Variants in PTPRT observed in about 807,000 individuals in gnomAD.
PTPRT encodes protein tyrosine phosphatase receptor type T.
In PTPRT, 56 loss-of-function variants were observed where a neutral mutation model predicts 176.8. That is an observed-to-expected ratio of 0.32 (90% CI 0.26 to 0.40). The LOEUF (loss-of-function observed/expected upper bound fraction) is 0.40. Ranked by LOEUF, PTPRT falls within the 10% of genes least tolerant of loss-of-function variation. The pLI, the probability that PTPRT is intolerant of heterozygous loss-of-function variation, is 1.00. For missense variants in PTPRT, 1,540 were observed against 1,908.2 expected (o/e 0.81, Z 3.60); for synonymous variants, 783 against 739.0 (o/e 1.06, Z -0.96).
chr20:42,831,854 T>C (rs2078094665), intron 2 of PTPRT, among the ~76,000 whole-genome samples: 2 of 152,162 alleles, frequency 1.3e-5, no homozygotes, highest in African/African-American at 2.4e-5. Flanking sequence ...TAAGAATGGC[T>C]ATTATTAAAA....
chr20:42,923,186 A>G (rs1222975949), intron 1 of PTPRT, among the ~76,000 whole-genome samples: 1 of 152,208 alleles, frequency 6.6e-6, no homozygotes, highest in Non-Finnish European at 1.5e-5. Flanking sequence ...CTAGCAATCC[A>G]GAACTTTAAA....
chr20:42,279,638 A>G (rs1240672127), intron 13 of PTPRT, among the ~76,000 whole-genome samples: 1 of 152,226 alleles, frequency 6.6e-6, no homozygotes, highest in Non-Finnish European at 1.5e-5. Flanking sequence ...GTACTAAATT[A>G]GATCCAGAGT....
At chr20:42,217,550 T>C (rs2055805241) in intron 15 of PTPRT, among the ~76,000 whole-genome samples, 1 of 152,192 alleles carries the variant, frequency 6.6e-6, no homozygotes, top group Non-Finnish European at 1.5e-5. Context: ...AAGGAAAATA[T>C]ACATGTATCA....
intron 7 of PTPRT, among the ~76,000 whole-genome samples, chr20:42,528,413 TA>T (rs2072317240): frequency 6.7e-6 from 1 of 148,276 alleles, no homozygotes; most frequent in African/African-American, 2.6e-5. Flanking sequence ...GATGAATGGA[TA>T]AATGAATATC....
chr20:42,378,529 A>G (rs2058670681), intron 9 of PTPRT, among the ~76,000 whole-genome samples: 1 of 152,164 alleles, frequency 6.6e-6, no homozygotes, highest in Non-Finnish European at 1.5e-5. Context: ...CAATGTGGGA[A>G]TCTAAGTTGC....
Position 42,414,785 on chromosome 20 carries a change from T to C in PTPRT, c.1560+33435A>G, listed in dbSNP as rs1307770264. Among the ~76,000 whole-genome samples the C allele has an allele frequency of 1.3e-5, 2 of 152,218 alleles. 1 individual carries two copies. Among genetic ancestry groups the C allele is most frequent in the African/African-American group, 4.8e-5 (2 of 41,460 alleles). ...TTTTATGAAGTCAGAATAAATTCAA[T>C]ATTGTAAAGGTATCAATTCTTCCTA... On this transcript the variant is annotated intron_variant, in intron 9 of 30. Transcript: ENST00000373187.
chr20:42,150,559 T>C (rs1438918631), intron 17 of PTPRT, among the ~76,000 whole-genome samples: 1 of 152,224 alleles, frequency 6.6e-6, no homozygotes, highest in African/African-American at 2.4e-5. Context: ...CCATTTTACC[T>C]GGGTCTTTCC....
intron 18 of PTPRT, among the ~76,000 whole-genome samples, chr20:42,131,400 T>C (rs187790093): frequency 6.6e-6 from 1 of 152,342 alleles, no homozygotes; most frequent in Non-Finnish European, 1.5e-5. Flanking sequence ...TCTCCTTTAT[T>C]TGTTGAGTTA....
At chr20:42,048,112 C>T in the PTPRT span, among the ~76,000 whole-genome samples, 1 of 152,182 alleles carries the variant, frequency 6.6e-6, no homozygotes, top group Non-Finnish European at 1.5e-5. Flanking sequence ...CTGCAAAGAG[C>T]AGCTCAGGGG....
intron 1 of PTPRT, among the ~76,000 whole-genome samples, chr20:43,058,258 AC>A (rs1485905142): frequency 6.6e-6 from 1 of 152,112 alleles, no homozygotes; most frequent in African/African-American, 2.4e-5. Flanking sequence ...GAGAAATGAG[AC>A]AGAGAGACAA....
intron 1 of PTPRT, among the ~76,000 whole-genome samples, chr20:43,167,042 A>G (rs1176107274): frequency 6.6e-6 from 1 of 152,164 alleles, no homozygotes; most frequent in Non-Finnish European, 1.5e-5. Flanking sequence ...AACTTAGTCT[A>G]GCAGCCTAGC....
At chr20:42,893,554 A>T (rs1392402295) in intron 1 of PTPRT, among the ~76,000 whole-genome samples, 2 of 151,926 alleles carry the variant, frequency 1.3e-5, no homozygotes, top group Non-Finnish European at 2.9e-5. Context: ...ATAAAGACAC[A>T]TGCACACGTA....
chr20:42,443,780 G>T (rs2059339396), intron 9 of PTPRT, among the ~76,000 whole-genome samples: 1 of 152,104 alleles, frequency 6.6e-6, no homozygotes, highest in Non-Finnish European at 1.5e-5. Context: ...CTAAAAAGAG[G>T]GTGTCAAAGC....
rs73906921 is a variant in PTPRT, at chr20:42,361,366, T to G, written c.1561-9081A>C. Among the ~76,000 whole-genome samples, 1,519 of 152,284 alleles carry G rather than the reference T, an allele frequency of 1.0e-2. 18 individuals are homozygous for G. Among genetic ancestry groups the G allele is most frequent in the African/African-American group, 0.035 (1,445 of 41,558 alleles). On this transcript the variant is annotated intron_variant, in intron 9 of 30. Transcript: ENST00000373187. Reference sequence around the variant, plus strand: ...GGTGCTTTTTAGAAAATAGCCCATATCCTTTGACACTGCTTTCATTAAAAG... The same window carrying G: ...GGTGCTTTTTAGAAAATAGCCCATAGCCTTTGACACTGCTTTCATTAAAAG...
Position 42,803,619 on chromosome 20 carries a change from T to A in PTPRT, c.215-12153A>T, listed in dbSNP as rs148125907. The stretch of plus-strand genomic sequence containing the variant: ...CCCAGGATGGAGTACAGTGGCATGA[T>A]CTCGGCTCACTGCAACCTTCGCCTC... On this transcript the variant is annotated intron_variant, in intron 2 of 30. Transcript: ENST00000373187. Among the ~76,000 whole-genome samples, 278 of 152,362 alleles carry A rather than the reference T, an allele frequency of 1.8e-3. 1 individual carries two copies. Among genetic ancestry groups the A allele is most frequent in the African/African-American group, 6.5e-3 (269 of 41,590 alleles).
chr20:43,144,921 C>G, intron 1 of PTPRT, among the ~76,000 whole-genome samples: 1 of 152,206 alleles, frequency 6.6e-6, no homozygotes, highest in Non-Finnish European at 1.5e-5. Context: ...GACCATTCAC[C>G]CCACTGGCCT....
intron 17 of PTPRT, among the ~76,000 whole-genome samples, chr20:42,152,216 G>A (rs149366688): frequency 1.3e-5 from 2 of 152,370 alleles, no homozygotes; most frequent in African/African-American, 4.8e-5. Flanking sequence ...GTAGGAGTTA[G>A]TGGTGGCCTT....
intron 1 of PTPRT, among the ~76,000 whole-genome samples, chr20:43,120,810 GT>G (rs1202086374): frequency 4.3e-4 from 65 of 152,090 alleles, no homozygotes; most frequent in African/African-American, 1.5e-3. Flanking sequence ...CATTTTTCAT[GT>G]TTTGCATAGG....
intron 2 of PTPRT, among the ~76,000 whole-genome samples, chr20:42,796,082 A>C (rs2077449914): frequency 6.6e-6 from 1 of 152,180 alleles, no homozygotes; most frequent in Non-Finnish European, 1.5e-5. Flanking sequence ...CAGAGAGGTA[A>C]AGTCATTTTC....
Sources: gnomAD v4.1 joint callset for allele counts (sites outside exome capture counted in the v4.1 genomes callset) on GRCh38, gnomAD v4.1.1 for gene constraint, MANE v1.5 for transcripts, NCBI Gene and HGNC (gene_info 2026-07-23, HGNC 2026-07-21) for gene names.